The following UMAD1 variants were observed in gnomAD, a reference collection of about 807,000 sequenced individuals.
UMAD1 encodes UBAP1-MVB12-associated (UMA) domain containing 1.
A neutral mutation model predicts 6.1 loss-of-function variants in UMAD1; 8 were observed. The observed-to-expected ratio is 1.30, with a 90% CI of 0.76 to 2.35. The LOEUF (loss-of-function observed/expected upper bound fraction) is 2.35. Among genes scored for constraint, UMAD1 ranks in the 30% most tolerant of loss-of-function variants. UMAD1 has a pLI of 0.00. For synonymous variants in UMAD1, 56 were observed against 31.4 expected, an observed-to-expected ratio of 1.78 and a Z score of -2.61; for missense variants, 130 against 78.4, an observed-to-expected ratio of 1.66 and a Z score of -2.49.
chr7:7,754,157 C>G (rs942441386), intron 2 of UMAD1, among the ~76,000 whole-genome samples: 1 of 152,022 alleles, frequency 6.6e-6, no homozygotes, highest in Non-Finnish European at 1.5e-5. Flanking sequence ...TGCACTCCAG[C>G]CTGGGTGACA....
intron 3 of UMAD1, among the ~76,000 whole-genome samples, chr7:7,840,829 C>G (rs936248099): frequency 5.9e-5 from 9 of 152,050 alleles, no homozygotes; most frequent in Non-Finnish European, 1.2e-4. Flanking sequence ...GGCAAAAAAG[C>G]TAGAAGTTAG....
At chr7:7,647,558 G>C (rs1028966827) in intron 1 of UMAD1, among the ~76,000 whole-genome samples, 12 of 152,166 alleles carry the variant, frequency 7.9e-5, no homozygotes, top group African/African-American at 2.9e-4. Flanking sequence ...ATAGCCTATA[G>C]ATGGTAGCAT....
At position 7,744,313 on chromosome 7, in the gene UMAD1, A is replaced by G. The variant is rs112877896; in HGVS notation, c.83-57357A>G. ...CGGCTATCCCACATTTTATTTATCTATTCACTGATTGATGGACATTTATGT... is the reference window on the plus strand; with the variant it reads ...CGGCTATCCCACATTTTATTTATCTGTTCACTGATTGATGGACATTTATGT... On this transcript the variant is annotated intron_variant, in intron 2 of 3. Transcript: ENST00000682710. Among the ~76,000 whole-genome samples the G allele has an allele frequency of 1.1e-4, 17 of 152,270 alleles. 1 individual carries two copies. Among genetic ancestry groups the G allele is most frequent in the Middle Eastern group, 3.4e-3 (1 of 294 alleles).
chr7:7,726,505 A>G (rs535993837), intron 2 of UMAD1, among the ~76,000 whole-genome samples: 1 of 152,354 alleles, frequency 6.6e-6, no homozygotes, highest in South Asian at 2.1e-4. Flanking sequence ...GTTCTCCAGA[A>G]GGCCGTGTAT....
intron 2 of UMAD1, among the ~76,000 whole-genome samples, chr7:7,774,104 C>G (rs145250155): frequency 6.6e-6 from 1 of 152,124 alleles, no homozygotes; most frequent in African/African-American, 2.4e-5. Flanking sequence ...AAACTGAGTC[C>G]TCAGGTGCAC....
At chr7:7,829,678 G>A (rs80175775) in intron 3 of UMAD1, among the ~76,000 whole-genome samples, 3,090 of 152,236 alleles carry the variant, frequency 0.02, 101 homozygotes, top group African/African-American at 0.071. Context: ...TAATGAACGA[G>A]CATTTTACAA....
intron 2 of UMAD1, among the ~76,000 whole-genome samples, chr7:7,776,106 G>T (rs919082654): frequency 1.3e-5 from 2 of 151,888 alleles, no homozygotes; most frequent in Non-Finnish European, 2.9e-5. Flanking sequence ...CACTGAAAAG[G>T]GTGAGTTTTA....
intron 2 of UMAD1, among the ~76,000 whole-genome samples, chr7:7,753,841 G>T (rs1781724714): frequency 6.6e-6 from 1 of 152,032 alleles, no homozygotes; most frequent in Non-Finnish European, 1.5e-5. Flanking sequence ...GTTTTTTGAG[G>T]TACCTCCAAA....
intron 2 of UMAD1, among the ~76,000 whole-genome samples, chr7:7,764,703 A>G (rs1000474182): frequency 5.9e-5 from 9 of 152,224 alleles, no homozygotes; most frequent in African/African-American, 1.9e-4. Flanking sequence ...AATGTTGTCT[A>G]TACTGGTCCA....
chr7:7,695,981 GTTTTT>G (rs34880729), intron 2 of UMAD1, among the ~76,000 whole-genome samples: 3 of 130,734 alleles, frequency 2.3e-5, no homozygotes, highest in Admixed American at 7.8e-5. Flanking sequence ...GTATATCTCC[GTTTTT>G]TTTTTTTTTT....
intron 2 of UMAD1, among the ~76,000 whole-genome samples, chr7:7,758,576 T>C (rs1467064111): frequency 6.6e-6 from 1 of 152,160 alleles, no homozygotes; most frequent in Admixed American, 6.5e-5. Context: ...AAGCCATTCA[T>C]TCCCATGCCA....
intron 3 of UMAD1, among the ~76,000 whole-genome samples, chr7:7,834,345 C>G (rs1469398823): frequency 6.6e-6 from 1 of 152,036 alleles, no homozygotes; most frequent in Admixed American, 6.6e-5. Context: ...TTCTAGATAA[C>G]CTGATATGAT....
At chr7:7,714,853 C>CT (rs1029148023) in intron 2 of UMAD1, among the ~76,000 whole-genome samples, 2,933 of 111,176 alleles carry the variant, frequency 0.026, 44 homozygotes, top group African/African-American at 0.047. Flanking sequence ...AAAAATTTTT[C>CT]TTTTTTTTTT....
rs1348392071 is a variant in UMAD1, at chr7:7,677,712, C to T, written c.82+4259C>T. Among the ~76,000 whole-genome samples, 83 of 131,838 alleles carry T rather than the reference C, an allele frequency of 6.3e-4. 1 individual carries two copies. Among genetic ancestry groups the T allele is most frequent in the African/African-American group, 2.3e-3 (79 of 33,830 alleles). The allele number at this position is 131,838 out of a possible 152,430, so 86.5% of individuals were successfully genotyped here. A position where few individuals can be genotyped will look rare whatever the true frequency, so the allele number is the denominator to read the frequency against. On this transcript the variant is annotated intron_variant, in intron 2 of 3. Transcript: ENST00000682710. Reference sequence around the variant, plus strand: ...TTTTTGAGACGGAGTCTCGCTCTGTCGCCCAGGCTGGAGTGCAGTGGCGGG... The same window carrying T: ...TTTTTGAGACGGAGTCTCGCTCTGTTGCCCAGGCTGGAGTGCAGTGGCGGG...
At chr7:7,732,241 A>G (rs1368665062) in intron 2 of UMAD1, among the ~76,000 whole-genome samples, 1 of 152,062 alleles carries the variant, frequency 6.6e-6, no homozygotes, top group Non-Finnish European at 1.5e-5. Context: ...CCTCCCATGA[A>G]GTTCCAGTTG....
chr7:7,693,789 TAA>T (rs1478269883), intron 2 of UMAD1, among the ~76,000 whole-genome samples: 1 of 152,214 alleles, frequency 6.6e-6, no homozygotes, highest in Non-Finnish European at 1.5e-5. Flanking sequence ...TGTGATATTT[TAA>T]GTTTAAACTT....
intron 2 of UMAD1, among the ~76,000 whole-genome samples, chr7:7,784,849 C>T (rs750763567): frequency 3.4e-5 from 5 of 147,934 alleles, no homozygotes; most frequent in Admixed American, 6.7e-5. Context: ...GCAGGCTCCG[C>T]CCCCTGGGGT....
chr7:7,704,766 C>CA (rs71011001), intron 2 of UMAD1, among the ~76,000 whole-genome samples: 9,146 of 17,766 alleles, frequency 0.51, 3,553 homozygotes, highest in Non-Finnish European at 0.6. Flanking sequence ...GACTCCATCT[C>CA]AAAAAAAAAA....
At chr7:7,850,579 C>G (rs1265053287) in intron 3 of UMAD1, among the ~76,000 whole-genome samples, 1 of 151,882 alleles carries the variant, frequency 6.6e-6, no homozygotes, top group Non-Finnish European at 1.5e-5. Flanking sequence ...GACCATAAGG[C>G]CAAGTGTTAT....
Sources: allele counts gnomAD v4.1 joint callset (sites outside exome capture counted in the v4.1 genomes callset), GRCh38; gene constraint gnomAD v4.1.1; transcripts MANE v1.5; gene names NCBI Gene and HGNC (gene_info 2026-07-23, HGNC 2026-07-21).